The following UMODL1 variants were observed in gnomAD, a reference collection of about 807,000 sequenced individuals.
UMODL1 encodes the protein uromodulin-like 1.
In UMODL1, 128 loss-of-function variants were observed where a neutral mutation model predicts 136.3. That is an observed-to-expected ratio of 0.94 (90% CI 0.81 to 1.09). The LOEUF (loss-of-function observed/expected upper bound fraction) is 1.09. Ranked by LOEUF, UMODL1 falls within the 50% of genes least tolerant of loss-of-function variation. The probability of loss-of-function intolerance (pLI) is 0.00; values close to 1 mark genes in which losing one functional copy is unlikely to be tolerated. For missense variants in UMODL1, 1,766 were observed against 1,725.6 expected (o/e 1.02, Z -0.41); for synonymous variants, 721 against 720.0 (o/e 1.00, Z -0.02).
chr21:42,121,900 G>A (rs776260761), intron 16 of UMODL1, among the ~76,000 whole-genome samples: 7 of 152,218 alleles, frequency 4.6e-5, no homozygotes, highest in Non-Finnish European at 8.8e-5. Context: ...CCAGCAGGGA[G>A]GGCAGGGCAT....
intron 22 of UMODL1, among the ~76,000 whole-genome samples, chr21:42,140,100 G>T (rs903629175): frequency 6.6e-6 from 1 of 152,018 alleles, no homozygotes; most frequent in African/African-American, 2.4e-5. Context: ...ACTTTGCTGA[G>T]TTGTTTCAAA....
chr21:42,119,119 C>G lies in UMODL1; in HGVS notation c.2484C>G (p.Gly828=), dbSNP rs2066936179. ...FLELFFRMVR[G]SLPATMCQHM... ...GGCCTCTTTCCCCGCAGGTGCGGGGCTCCCTGCCAGCCACCATGTGTCAGC... is the reference window on the plus strand; with the variant it reads ...GGCCTCTTTCCCCGCAGGTGCGGGGGTCCCTGCCAGCCACCATGTGTCAGC... Residue 828 remains glycine, a synonymous_variant, in exon 15 of 23, where the codon GGC becomes GGG. Transcript: ENST00000408910. The G allele has an allele frequency of 6.2e-7, 1 of 1,612,320 alleles. No individual in the cohort carries two copies. Among genetic ancestry groups the G allele is most frequent in the South Asian group, 1.1e-5 (1 of 91,000 alleles).
intron 2 of UMODL1, among the ~76,000 whole-genome samples, chr21:42,079,285 C>T (rs915855298): frequency 2.0e-5 from 3 of 152,228 alleles, no homozygotes; most frequent in African/African-American, 7.2e-5. Flanking sequence ...GAGGCCTCTC[C>T]CCACCACCTG....
chr21:42,083,479 C>T (rs200734055), intron 2 of UMODL1, among the ~76,000 whole-genome samples: 1 of 152,260 alleles, frequency 6.6e-6, no homozygotes, highest in Non-Finnish European at 1.5e-5. Flanking sequence ...GCCTGTACCT[C>T]GCCTTGTGGG....
intron 17 of UMODL1, among the ~76,000 whole-genome samples, chr21:42,124,135 C>T (rs1027146427): frequency 6.6e-6 from 1 of 151,400 alleles, no homozygotes; most frequent in Admixed American, 6.5e-5. Flanking sequence ...AGCGAACGCT[C>T]CCATGCAGGC....
intron 15 of UMODL1, 130 bp downstream of exon 15, chr21:42,119,454 G>A (rs2066942408): frequency 6.4e-6 from 5 of 779,862 alleles, no homozygotes; most frequent in East Asian, 2.5e-5. Flanking sequence ...AGAATTAGAT[G>A]AAGATGTGAA....
intron 20 of UMODL1, 46 bp from the exon 21 acceptor site, chr21:42,129,664 ATGT>A: frequency 6.7e-7 from 1 of 1,493,214 alleles, no homozygotes; most frequent in South Asian, 1.3e-5. Flanking sequence ...TTTCTCATAA[ATGT>A]TGTTCAATTA....
At chr21:42,106,562 G>A (rs1176135778) in intron 9 of UMODL1, among the ~76,000 whole-genome samples, 1 of 152,106 alleles carries the variant, frequency 6.6e-6, no homozygotes, top group Non-Finnish European at 1.5e-5. Flanking sequence ...CGTCCATCCC[G>A]GGGCCTGGGG....
At chr21:42,095,087 C>CTTTTTTTTTT (rs1569151178) in intron 6 of UMODL1, among the ~76,000 whole-genome samples, 21 of 34,050 alleles carry the variant, frequency 6.2e-4, no homozygotes, top group South Asian at 3.6e-3. Context: ...TTTTCTTCTG[C>CTTTTTTTTTT]TGTTTTTTTT....
At position 42,122,761 on chromosome 21, in the gene UMODL1, T is replaced by C; in HGVS notation, c.2828-70T>C. ...TGCAGGGCAGCTCCAGTCTGCTCCT[T>C]ACCCCTGCCCCTCCATGCCAACCCC... On this transcript the variant is annotated intron_variant, in intron 16 of 22. Transcript: ENST00000408910. The surrounding 1 kb of genome is among the most constrained non-coding windows in gnomAD (Gnocchi z 4.3). 1 of 1,485,866 alleles carries C rather than the reference T, an allele frequency of 6.7e-7. No individual in the cohort carries two copies. Among genetic ancestry groups the C allele is most frequent in the Non-Finnish European group, 9.0e-7 (1 of 1,112,950 alleles). 92.0% of individuals were successfully genotyped at this position (1,485,866 alleles called of 1,614,324 possible).
At chr21:42,088,549 T>A in intron 5 of UMODL1, 69 bp downstream of exon 5, 1 of 1,460,280 alleles carries the variant, frequency 6.8e-7, no homozygotes, top group Non-Finnish European at 9.2e-7. Flanking sequence ...AAATGCAAGG[T>A]GGACGCTAAA....
intron 6 of UMODL1, chr21:42,093,417 C>G (rs1054298486): frequency 6.5e-6 from 1 of 153,456 alleles, no homozygotes; most frequent in South Asian, 2.0e-4. Flanking sequence ...CGAGGTCTCA[C>G]TGAGTAGCCC....
At chr21:42,131,488 C>T (rs12627727) in intron 21 of UMODL1, among the ~76,000 whole-genome samples, 1 of 11,098 alleles carries the variant, frequency 9.0e-5, no homozygotes, top group Admixed American at 1.1e-3. Context: ...AGGGAGGTCT[C>T]AGCCATGAAG....
At chr21:42,070,276 C>A, upstream of UMODL1, among the ~76,000 whole-genome samples, 1 of 152,200 alleles carries the variant, frequency 6.6e-6, no homozygotes, top group South Asian at 2.1e-4. Flanking sequence ...GTAAAATCAA[C>A]AAGATCTTCT....
At position 42,099,069 on chromosome 21, in the gene UMODL1, C is replaced by G. The variant is rs1417044776; in HGVS notation, c.1075C>G (p.Gln359Glu). 1 of 1,614,234 alleles carries G rather than the reference C, an allele frequency of 6.2e-7. No individual in the cohort carries two copies. The highest frequency in any genetic ancestry group is 8.5e-7 in the Non-Finnish European group (1 of 1,180,042). Residue 359 changes from glutamine to glutamate, a missense_variant, in exon 7 of 23, where the codon CAG (glutamine) becomes GAG (glutamate). Gln to Glu is a conservative substitution (Grantham distance 29). Coordinates refer to ENST00000408910, the MANE Select transcript of UMODL1 (RefSeq NM_001004416.3). The surrounding 1 kb of genome is among the most constrained non-coding windows in gnomAD (Gnocchi z 4.1). Reference protein sequence around the residue: ...GMELLRSARTQSQALAVAGLE... With the variant: ...GMELLRSARTESQALAVAGLE... Reference sequence around the variant, plus strand: ...GGAGTTGCTCAGGAGCGCCAGGACACAGAGCCAGGCACTGGCAGTGGCTGG... The same window carrying G: ...GGAGTTGCTCAGGAGCGCCAGGACAGAGAGCCAGGCACTGGCAGTGGCTGG...
intron 21 of UMODL1, among the ~76,000 whole-genome samples, chr21:42,135,161 C>T (rs1335890498): frequency 2.0e-5 from 3 of 152,236 alleles, no homozygotes; most frequent in Non-Finnish European, 2.9e-5. Flanking sequence ...TGTGGTCCAA[C>T]GGTCACGATG....
At chr21:42,135,024 A>C (rs1282245708) in intron 21 of UMODL1, among the ~76,000 whole-genome samples, 2 of 152,160 alleles carry the variant, frequency 1.3e-5, no homozygotes, top group East Asian at 3.8e-4. Flanking sequence ...CCATCAACCC[A>C]TCATCTAGGT....
intron 22 of UMODL1, among the ~76,000 whole-genome samples, chr21:42,140,443 G>C (rs918335078): frequency 1.5e-4 from 22 of 151,272 alleles, no homozygotes; most frequent in African/African-American, 5.1e-4. Flanking sequence ...AGGCCTCCCA[G>C]GTCACATGGC....
intron 1 of UMODL1, among the ~76,000 whole-genome samples, chr21:42,072,224 G>A (rs983211413): frequency 3.9e-5 from 6 of 152,216 alleles, no homozygotes; most frequent in African/African-American, 1.2e-4. Flanking sequence ...GAGCAGGGCA[G>A]CTTCTTAAAA....
Sources: gnomAD v4.1 joint callset for allele counts (sites outside exome capture counted in the v4.1 genomes callset) on GRCh38, gnomAD v4.1.1 for gene constraint, Gnocchi (gnomAD v3.1) non-coding constraint, MANE v1.5 for transcripts, NCBI Gene and HGNC (gene_info 2026-07-23, HGNC 2026-07-21) for gene names.